The following CD79A variants were observed in gnomAD, a reference collection of about 807,000 sequenced individuals.
The protein encoded by CD79A is CD79a molecule.
Under a neutral mutation model 27.4 loss-of-function variants are expected in CD79A, and 16 were observed. The ratio of observed to expected loss-of-function variants is 0.58; its 90% CI spans 0.40 to 0.89. The LOEUF is 0.89. CD79A is among the 40% of genes least tolerant of loss of function. The pLI, the probability that CD79A is intolerant of heterozygous loss-of-function variation, is 0.00. For synonymous variants in CD79A, 110 were observed against 132.7 expected, an observed-to-expected ratio of 0.83 and a Z score of 1.18; for missense variants, 237 against 299.7, an observed-to-expected ratio of 0.79 and a Z score of 1.55.
At chr19:41,880,030 C>A (rs931425518) in intron 3 of CD79A, among the ~76,000 whole-genome samples, 1 of 152,126 alleles carries the variant, frequency 6.6e-6, no homozygotes, top group Admixed American at 6.5e-5. Flanking sequence ...AATCTCTGAT[C>A]TGTACCAGCC....
In CD79A at chr19:41,880,666, A is replaced by G; in HGVS notation, c.499-4A>G. 3 of 566,598 alleles carry G rather than the reference A, an allele frequency of 5.3e-6. No homozygotes were observed. The highest frequency in any genetic ancestry group is 9.5e-6 in the Non-Finnish European group (3 of 316,936). The allele number at this position is 566,598 out of a possible 1,614,324, so 35.1% of individuals were successfully genotyped here. A position where few individuals can be genotyped will look rare whatever the true frequency, so the allele number is the denominator to read the frequency against. On this transcript the variant is annotated splice_polypyrimidine_tract_variant and splice_region_variant and intron_variant, in intron 3 of 4. Transcript: ENST00000221972. Reference sequence around the variant, plus strand: ...TGAGGCACCCACCCCACCCACCCCTACAGAAACGATGGCAGAACGAGAAGC... The same window carrying G: ...TGAGGCACCCACCCCACCCACCCCTGCAGAAACGATGGCAGAACGAGAAGC...
intron 3 of CD79A, 81 bp from the exon 4 acceptor site, chr19:41,880,589 T>A: frequency 9.6e-7 from 1 of 1,042,574 alleles, no homozygotes; most frequent in Non-Finnish European, 1.5e-6. Context: ...TCTGGAAAAG[T>A]ACTTCCTGGC....
chr19:41,879,038 T>A lies in CD79A; in HGVS notation c.128T>A (p.Met43Lys), dbSNP rs782421590. Residue 43 changes from methionine to lysine, a missense_variant, in exon 2 of 5, where the codon ATG becomes AAG. Physicochemically the swap from Met to Lys is moderately conservative, Grantham distance 95 (BLOSUM62 -1). Coordinates refer to ENST00000221972, the MANE Select transcript of CD79A (RefSeq NM_001783.4). The surrounding 1 kb of genome is among the most constrained non-coding windows in gnomAD (Gnocchi z 5.1). ...LWMHKVPASL[M>K]VSLGEDAHFQ... The stretch of plus-strand genomic sequence containing the variant: ...ATGCACAAGGTCCCAGCATCATTGA[T>A]GGTGAGCCTGGGGGAAGACGCCCAC... 7.4e-6 allele frequency: 12 copies of A among 1,613,344 alleles called. No homozygotes were observed. Among genetic ancestry groups the A allele is most frequent in the Non-Finnish European group, 1.0e-5 (12 of 1,179,880 alleles).
At position 41,881,081 on chromosome 19, in the gene CD79A, T is replaced by A; in HGVS notation, c.*101T>A. ...TTCTCCTTTCAGCCCTTCTGGGGGC[T>A]TCCTTAGTCATATTCCCCCAGTGGG... On this transcript the variant is annotated 3_prime_UTR_variant, in exon 5 of 5. Transcript: ENST00000221972. 1.3e-6 allele frequency: 1 copy of A among 797,016 alleles called. No individual in the cohort carries two copies. The allele number at this position is 797,016 out of a possible 1,614,324, so 49.4% of individuals were successfully genotyped here.
In CD79A at chr19:41,879,014, T is replaced by G; in HGVS notation, c.104T>G (p.Met35Arg). 6.3e-7 allele frequency: 1 copy of G among 1,598,662 alleles called. No individual in the cohort carries two copies. Among genetic ancestry groups the G allele is most frequent in the Non-Finnish European group, 8.5e-7 (1 of 1,172,296 alleles). The change falls in exon 2 of 5, where the codon ATG (methionine) becomes AGG (arginine). Residue 35 changes from methionine (M) to arginine (R), a missense_variant. Physicochemically the swap from Met to Arg is moderately conservative, Grantham distance 91. Coordinates refer to ENST00000221972, the MANE Select transcript of CD79A (RefSeq NM_001783.4). This position sits in a 1 kb window ranked among gnomAD's most constrained non-coding sequence, Gnocchi z 5.1. The part of the protein sequence containing the change: ...YLGPGCQALW[M>R]HKVPASLMVS... Reference sequence around the variant, plus strand: ...GGCCCTGGGTGCCAGGCCCTGTGGATGCACAAGGTCCCAGCATCATTGATG... The same window carrying G: ...GGCCCTGGGTGCCAGGCCCTGTGGAGGCACAAGGTCCCAGCATCATTGATG...
chr19:41,880,567 T>A, intron 3 of CD79A, 103 bp from the exon 4 acceptor site: 2 of 826,230 alleles, frequency 2.4e-6, no homozygotes, highest in Non-Finnish European at 4.1e-6. Flanking sequence ...CTTGGGGACA[T>A]CTCTTACCCT....
Position 41,880,651 on chromosome 19 carries a change from A to T in CD79A, c.499-19A>T. Reference sequence around the variant, plus strand: ...CCTCCCCCTGCTCACTGAGGCACCCACCCCACCCACCCCTACAGAAACGAT... The same window carrying T: ...CCTCCCCCTGCTCACTGAGGCACCCTCCCCACCCACCCCTACAGAAACGAT... On this transcript the variant is annotated intron_variant, in intron 3 of 4. Transcript: ENST00000221972. 2.4e-6 allele frequency: 1 copy of T among 424,380 alleles called. No individual in the cohort carries two copies. Among genetic ancestry groups the T allele is most frequent in the Non-Finnish European group, 4.5e-6 (1 of 224,156 alleles). The allele number at this position is 424,380 out of a possible 1,614,324, so 26.3% of individuals were successfully genotyped here.
In CD79A at chr19:41,877,315, G is replaced by A; in HGVS notation, c.11G>A (p.Gly4Asp). The A allele has an allele frequency of 6.2e-7, 1 of 1,613,884 alleles. No homozygotes were observed. Among genetic ancestry groups the A allele is most frequent in the Non-Finnish European group, 8.5e-7 (1 of 1,179,758 alleles). The change falls in exon 1 of 5, where the codon GGT becomes GAT. Residue 4 changes from glycine to aspartate, a missense_variant. Physicochemically the swap from Gly to Asp is moderately conservative, Grantham distance 94. Transcript: ENST00000221972. This position sits in a 1 kb window ranked among gnomAD's most constrained non-coding sequence, Gnocchi z 4.1. Reference sequence around the variant, plus strand: ...ACCCACTGGGAGAAGATGCCTGGGGGTCCAGGAGTCCTCCAAGCTCTGCCT... The same window carrying A: ...ACCCACTGGGAGAAGATGCCTGGGGATCCAGGAGTCCTCCAAGCTCTGCCT... MPGGPGVLQALPAT... is the reference protein window; with the variant it reads MPGDPGVLQALPAT...
chr19:41,879,409 G>A lies in CD79A; in HGVS notation c.379+120G>A. The A allele has an allele frequency of 3.2e-6, 4 of 1,234,114 alleles. No homozygotes were observed. Among genetic ancestry groups the A allele is most frequent in the South Asian group, 1.3e-5 (1 of 78,782 alleles). 76.4% of individuals were successfully genotyped at this position (1,234,114 alleles called of 1,614,324 possible). On this transcript the variant is annotated intron_variant, in intron 2 of 4. Transcript: ENST00000221972. The surrounding 1 kb of genome is among the most constrained non-coding windows in gnomAD (Gnocchi z 5.1). ...GGTTTCAAACCGGCTTGGACAGAGG[G>A]ACGGACATTCTCCTCTGCAGAGTGG...
intron 3 of CD79A, among the ~76,000 whole-genome samples, chr19:41,880,240 G>T (rs1185450128): frequency 2.0e-5 from 3 of 151,942 alleles, no homozygotes; most frequent in Non-Finnish European, 4.4e-5. Flanking sequence ...AATTAGCCAG[G>T]CATGGTGGCA....
At position 41,879,476 on chromosome 19, in the gene CD79A, C is replaced by T. The variant is rs782567813; in HGVS notation, c.380-59C>T. 3 of 1,353,148 alleles carry T rather than the reference C, an allele frequency of 2.2e-6. No individual in the cohort carries two copies. The highest frequency in any genetic ancestry group is 3.1e-6 in the Non-Finnish European group (3 of 965,336). 83.8% of individuals were successfully genotyped at this position (1,353,148 alleles called of 1,614,324 possible). On this transcript the variant is annotated intron_variant, in intron 2 of 4. Transcript: ENST00000221972. This position sits in a 1 kb window ranked among gnomAD's most constrained non-coding sequence, Gnocchi z 5.1. ...GGGGCCTTGCAGGAGGTGGGCGGGGCCAGGAGGCTAGGGAGGGCAAGAGGG... is the reference window on the plus strand; with the variant it reads ...GGGGCCTTGCAGGAGGTGGGCGGGGTCAGGAGGCTAGGGAGGGCAAGAGGG...
chr19:41,880,938 G>T lies in CD79A; in HGVS notation c.639G>T (p.Val213=). The change falls in exon 5 of 5, where the codon GTG becomes GTT. Residue 213 remains valine (V), a synonymous_variant. Coordinates refer to ENST00000221972, the MANE Select transcript of CD79A (RefSeq NM_001783.4). ...SRGLQGTYQD[V]GSLNIGDVQL... ...GCCTCCAGGGCACCTACCAGGATGT[G>T]GGCAGCCTCAACATAGGAGATGTCC... 4.4e-6 allele frequency: 7 copies of T among 1,598,984 alleles called. No individual in the cohort carries two copies. The highest frequency in any genetic ancestry group is 6.0e-6 in the Non-Finnish European group (7 of 1,173,822).
intron 3 of CD79A, among the ~76,000 whole-genome samples, chr19:41,880,441 A>AG (rs1555843964): frequency 1.0e-5 from 1 of 99,564 alleles, no homozygotes; most frequent in Admixed American, 1.1e-4. Flanking sequence ...GAGGGAGGGA[A>AG]GGAAGGGAAG....
Position 41,879,484 on chromosome 19 carries a change from C to A in CD79A, c.380-51C>A. On this transcript the variant is annotated intron_variant, in intron 2 of 4. Coordinates refer to ENST00000221972, the MANE Select transcript of CD79A (RefSeq NM_001783.4). The surrounding 1 kb of genome is among the most constrained non-coding windows in gnomAD (Gnocchi z 5.1). ...GCAGGAGGTGGGCGGGGCCAGGAGG[C>A]TAGGGAGGGCAAGAGGGGCCAGGGC... The A allele has an allele frequency of 1.4e-6, 2 of 1,399,198 alleles. No individual in the cohort carries two copies. The highest frequency in any genetic ancestry group is 2.0e-6 in the Non-Finnish European group (2 of 1,003,518). 86.7% of individuals were successfully genotyped at this position (1,399,198 alleles called of 1,614,324 possible). A position where few individuals can be genotyped will look rare whatever the true frequency, so the allele number is the denominator to read the frequency against.
In CD79A at chr19:41,879,250, T is replaced by C; in HGVS notation, c.340T>C (p.Ser114Pro). The C allele has an allele frequency of 6.2e-7, 1 of 1,613,088 alleles. No individual in the cohort carries two copies. The highest frequency in any genetic ancestry group is 2.2e-5 in the East Asian group (1 of 44,852). Residue 114 changes from serine to proline, a missense_variant, in exon 2 of 5, where the codon TCA becomes CCA. Physicochemically the swap from Ser to Pro is moderately conservative, Grantham distance 74. Transcript: ENST00000221972. The surrounding 1 kb of genome is among the most constrained non-coding windows in gnomAD (Gnocchi z 5.1). ...GTGCCGGGTCCAGGAGGGCAACGAG[T>C]CATACCAGCAGTCCTGCGGCACCTA... ...YVCRVQEGNE[S>P]YQQSCGTYLR...
Position 41,878,202 on chromosome 19 carries a change from C to T in CD79A, c.80-788C>T, listed in dbSNP as rs1309662113. ...CTGAGCCCCTTCAATCACCAGCAGCCCAGCCCAAGGACTGAACTCACCCCT... is the reference window on the plus strand; with the variant it reads ...CTGAGCCCCTTCAATCACCAGCAGCTCAGCCCAAGGACTGAACTCACCCCT... On this transcript the variant is annotated intron_variant, in intron 1 of 4. Transcript: ENST00000221972. The surrounding 1 kb of genome is among the most constrained non-coding windows in gnomAD (Gnocchi z 4.3). Among the ~76,000 whole-genome samples, 1 of 152,186 alleles carries T rather than the reference C, an allele frequency of 6.6e-6. No homozygotes were observed. Among genetic ancestry groups the T allele is most frequent in the African/African-American group, 2.4e-5 (1 of 41,426 alleles).
chr19:41,878,910 T>C lies in CD79A; in HGVS notation c.80-80T>C. The C allele has an allele frequency of 8.5e-7, 1 of 1,172,596 alleles. No individual in the cohort carries two copies. The highest frequency in any genetic ancestry group is 1.5e-5 in the African/African-American group (1 of 66,050). 72.6% of individuals were successfully genotyped at this position (1,172,596 alleles called of 1,614,324 possible). A position where few individuals can be genotyped will look rare whatever the true frequency, so the allele number is the denominator to read the frequency against. On this transcript the variant is annotated intron_variant, in intron 1 of 4. Coordinates refer to ENST00000221972, the MANE Select transcript of CD79A (RefSeq NM_001783.4). The surrounding 1 kb of genome is among the most constrained non-coding windows in gnomAD (Gnocchi z 4.3). The stretch of plus-strand genomic sequence containing the variant: ...AGAGTCCTCACCCTCTTCCCAGGAG[T>C]GCTGGAACTGCAGGGGCCAGGGCTG...
intron 3 of CD79A, among the ~76,000 whole-genome samples, chr19:41,880,391 A>AG (rs2074214373): frequency 8.2e-6 from 1 of 121,540 alleles, no homozygotes; most frequent in African/African-American, 3.1e-5. Flanking sequence ...GAGAGAGAGA[A>AG]AGAGAGAGAG....
In CD79A at chr19:41,879,712, A is replaced by G. The variant is rs2074210695; in HGVS notation, c.498+59A>G. The G allele has an allele frequency of 9.5e-6, 11 of 1,153,540 alleles. No homozygotes were observed. In the East Asian group the frequency reaches 2.1e-4, roughly 22 times the overall value. The allele number at this position is 1,153,540 out of a possible 1,614,324, so 71.5% of individuals were successfully genotyped here. On this transcript the variant is annotated intron_variant, in intron 3 of 4. Coordinates refer to ENST00000221972, the MANE Select transcript of CD79A (RefSeq NM_001783.4). This position sits in a 1 kb window ranked among gnomAD's most constrained non-coding sequence, Gnocchi z 5.1. The stretch of plus-strand genomic sequence containing the variant: ...GAGGGCCTGGGCCGAGGGACCCCCA[A>G]TACCCAGGTAGCCCTCTAGAGCCTG...
Sources: gnomAD v4.1 joint callset for allele counts (sites outside exome capture counted in the v4.1 genomes callset) on GRCh38, gnomAD v4.1.1 for gene constraint, Gnocchi (gnomAD v3.1) non-coding constraint, MANE v1.5 for transcripts, NCBI Gene and HGNC (gene_info 2026-07-23, HGNC 2026-07-21) for gene names.